Variants in CHRM3 observed in about 807,000 individuals in gnomAD.
The protein encoded by CHRM3 is muscarinic acetylcholine receptor M3.
A neutral mutation model predicts 41.8 loss-of-function variants in CHRM3; 11 were observed. That is an observed-to-expected ratio of 0.26 (90% confidence interval 0.17 to 0.44). The LOEUF is 0.44. CHRM3 is among the 20% of genes least tolerant of loss of function. The probability of loss-of-function intolerance (pLI) is 1.00; values close to 1 mark genes in which losing one functional copy is unlikely to be tolerated. For synonymous variants in CHRM3, 297 were observed against 301.4 expected (o/e 0.99, Z 0.15); for missense variants, 571 against 745.4 (o/e 0.77, Z 2.72).
intron 3 of CHRM3, among the ~76,000 whole-genome samples, chr1:239,599,252 T>A (rs1051980318): frequency 6.6e-6 from 1 of 152,150 alleles, no homozygotes; most frequent in Non-Finnish European, 1.5e-5. Flanking sequence ...TCCATCCTCT[T>A]GTTGAATTGT....
At chr1:239,600,979 T>C (rs1369319992) in intron 3 of CHRM3, among the ~76,000 whole-genome samples, 2 of 152,166 alleles carry the variant, frequency 1.3e-5, no homozygotes, top group Non-Finnish European at 2.9e-5. Flanking sequence ...TTTAAACCCC[T>C]TGATTAAAAG....
chr1:239,722,427 A>G (rs1268543019), intron 5 of CHRM3, among the ~76,000 whole-genome samples: 1 of 151,922 alleles, frequency 6.6e-6, no homozygotes, highest in Non-Finnish European at 1.5e-5. Context: ...GCTACCTTAA[A>G]AAGACTTTCC....
intron 1 of CHRM3, among the ~76,000 whole-genome samples, chr1:239,413,139 G>A (rs1661236612): frequency 6.6e-6 from 1 of 151,410 alleles, no homozygotes. Context: ...CTCAAAGAGA[G>A]AAGGATGCTC....
intron 3 of CHRM3, among the ~76,000 whole-genome samples, chr1:239,586,887 A>G (rs1663466302): frequency 6.6e-6 from 1 of 152,148 alleles, no homozygotes; most frequent in South Asian, 2.1e-4. Context: ...CAAGAGAAAA[A>G]AGGGAAAGTT....
chr1:239,544,499 CTTCA>C (rs962787525), intron 2 of CHRM3, among the ~76,000 whole-genome samples: 5 of 152,062 alleles, frequency 3.3e-5, no homozygotes, highest in Non-Finnish European at 2.9e-5. Flanking sequence ...TATATTTGAA[CTTCA>C]TTCAAATGAT....
chr1:239,663,886 A>G (rs1648545922), intron 4 of CHRM3, among the ~76,000 whole-genome samples: 1 of 152,190 alleles, frequency 6.6e-6, no homozygotes, highest in African/African-American at 2.4e-5. Flanking sequence ...ATGATTTCAC[A>G]TAGCTAGGGA....
chr1:239,859,350 T>G (rs1339160233), intron 6 of CHRM3, among the ~76,000 whole-genome samples: 1 of 152,134 alleles, frequency 6.6e-6, no homozygotes, highest in African/African-American at 2.4e-5. Context: ...TCCATTTTCC[T>G]AATAACAAAT....
chr1:239,812,778 A>G (rs1021109652), intron 5 of CHRM3, among the ~76,000 whole-genome samples: 2 of 152,200 alleles, frequency 1.3e-5, no homozygotes, highest in African/African-American at 4.8e-5. Context: ...TTCCAATCCA[A>G]TGACCTGAAA....
At position 239,607,536 on chromosome 1, in the gene CHRM3, G is replaced by C. The variant is rs557647983; in HGVS notation, c.-312-24688G>C. ...ATAGGGTCAGTTTCTTCAATAATTT[G>C]GAATGTTTGCAAGTTAAAAAAAAAT... On this transcript the variant is annotated intron_variant, in intron 3 of 6. Coordinates refer to ENST00000676153, the MANE Select transcript of CHRM3 (RefSeq NM_001375978.1). Among the ~76,000 whole-genome samples the C allele has an allele frequency of 5.9e-5, 9 of 151,868 alleles. No individual in the cohort carries two copies. In the East Asian group the frequency reaches 1.8e-3, roughly 30 times the overall value.
chr1:239,635,970 A>G (rs1172561214), intron 4 of CHRM3, among the ~76,000 whole-genome samples: 1 of 152,198 alleles, frequency 6.6e-6, no homozygotes, highest in East Asian at 1.9e-4. Context: ...GAAAACAGAG[A>G]AAAAGATGAA....
intron 6 of CHRM3, among the ~76,000 whole-genome samples, chr1:239,854,761 A>G: frequency 6.6e-6 from 1 of 152,176 alleles, no homozygotes; most frequent in East Asian, 1.9e-4. Flanking sequence ...AATTTCAGAA[A>G]TATCTTCCTA....
intron 4 of CHRM3, among the ~76,000 whole-genome samples, chr1:239,642,705 G>A (rs1671309709): frequency 6.6e-6 from 1 of 152,176 alleles, no homozygotes; most frequent in Non-Finnish European, 1.5e-5. Flanking sequence ...TTTGCCTTTG[G>A]TTTGAATTTC....
At chr1:239,620,508 AAG>A (rs1247983107) in intron 3 of CHRM3, among the ~76,000 whole-genome samples, 1 of 152,180 alleles carries the variant, frequency 6.6e-6, no homozygotes, top group Non-Finnish European at 1.5e-5. Flanking sequence ...GATAGAGAGA[AAG>A]AGGGAGAGAG....
chr1:239,826,900 A>T (rs1672505703), intron 5 of CHRM3: 1 of 152,204 alleles, frequency 6.6e-6, no homozygotes, highest in African/African-American at 2.4e-5. Context: ...TGGAACTCAC[A>T]AGTCTTATTG....
chr1:239,781,816 T>C (rs911981052), intron 5 of CHRM3, among the ~76,000 whole-genome samples: 3 of 152,168 alleles, frequency 2.0e-5, no homozygotes, highest in Admixed American at 6.5e-5. Flanking sequence ...CTGGGACTTT[T>C]ATCATGAATA....
chr1:239,519,980 C>T (rs1322127472), intron 2 of CHRM3, among the ~76,000 whole-genome samples: 1 of 152,038 alleles, frequency 6.6e-6, no homozygotes, highest in Non-Finnish European at 1.5e-5. Context: ...ATCTCCTGAC[C>T]TCGTGATCTG....
chr1:239,866,243 G>GGT, intron 6 of CHRM3, among the ~76,000 whole-genome samples: 1 of 152,174 alleles, frequency 6.6e-6, no homozygotes, highest in Admixed American at 6.5e-5. Flanking sequence ...CGGGCGTGGT[G>GGT]GCGGGCACCT....
chr1:239,415,369 G>C (rs534445909), intron 1 of CHRM3, among the ~76,000 whole-genome samples: 178 of 152,318 alleles, frequency 1.2e-3, no homozygotes, highest in Admixed American at 2.7e-3. Flanking sequence ...GAGCCCAGGG[G>C]ACGGAGGTTG....
chr1:239,901,402 C>T (rs1679554934), intron 6 of CHRM3, among the ~76,000 whole-genome samples: 2 of 151,992 alleles, frequency 1.3e-5, no homozygotes, highest in Non-Finnish European at 1.5e-5. Flanking sequence ...CACCCTCAAT[C>T]CTAATTTTAT....
Sources: gnomAD v4.1 joint callset for allele counts (sites outside exome capture counted in the v4.1 genomes callset) on GRCh38, gnomAD v4.1.1 for gene constraint, MANE v1.5 for transcripts, NCBI Gene and HGNC (gene_info 2026-07-23, HGNC 2026-07-21) for gene names.